SCAF1: variants seen among roughly 807,000 people sequenced by gnomAD.
The protein encoded by SCAF1 is SR-related CTD associated factor 1.
Under a neutral mutation model 91.2 loss-of-function variants are expected in SCAF1, and 28 were observed. The ratio of observed to expected loss-of-function variants is 0.31; its 90% CI spans 0.23 to 0.42. SCAF1 has a LOEUF of 0.42. SCAF1 is among the 10% of genes least tolerant of loss of function. The probability of loss-of-function intolerance (pLI) is 1.00; values close to 1 mark genes in which losing one functional copy is unlikely to be tolerated. For missense variants in SCAF1, 1,893 were observed against 1,872.1 expected (o/e 1.01, Z -0.21); for synonymous variants, 1,036 against 833.7 (o/e 1.24, Z -4.18).
rs374191789 is a variant in SCAF1 at position 49,655,214 on chromosome 19, C to T, written c.3618+344C>T. Among the ~76,000 whole-genome samples the T allele has an allele frequency of 1.1e-4, 17 of 152,130 alleles. No homozygotes were observed. In the East Asian group the frequency reaches 2.9e-3, roughly 26 times the overall value. ...TCTGTGAGTGGGGGAGGGTGGTTTC[C>T]GAATGAAAACTCAAGAACCTGTTTG... On this transcript the variant is annotated intron_variant, in intron 9 of 10. Coordinates refer to ENST00000360565, the MANE Select transcript of SCAF1 (RefSeq NM_021228.3).
Position 49,653,498 on chromosome 19 carries a change from G to A in SCAF1, c.3109G>A (p.Glu1037Lys), listed in dbSNP as rs762323740. ...AGAAGAGGAGGAGGAAGAGGAAGAGGAGGAGGAGCAGCAGCCTGCTACCAC... is the reference window on the plus strand; with the variant it reads ...AGAAGAGGAGGAGGAAGAGGAAGAGAAGGAGGAGCAGCAGCCTGCTACCAC... Reference protein sequence around the residue: ...EEEEEEEEEEEEEQQPATTTA... With the variant: ...EEEEEEEEEEKEEQQPATTTA... Residue 1037 changes from glutamate (E) to lysine (K), a missense_variant, in exon 7 of 11, where the codon GAG becomes AAG. By Grantham distance (56) the Glu-to-Lys change is moderately conservative (BLOSUM62 1). This residue lies in a region of SCAF1 where 1,436 missense variants were observed against 1,306.8 expected (regional missense o/e 1.10). Coordinates refer to ENST00000360565, the MANE Select transcript of SCAF1 (RefSeq NM_021228.3). The A allele has an allele frequency of 1.1e-5, 18 of 1,565,270 alleles. No individual in the cohort carries two copies. The highest frequency in any genetic ancestry group is 1.2e-5 in the Non-Finnish European group (14 of 1,159,710).
At position 49,645,221 on chromosome 19, in the gene SCAF1, G is replaced by A. The variant is rs1285996831; in HGVS notation, c.108+87G>A. 3 of 1,494,780 alleles carry A rather than the reference G, an allele frequency of 2.0e-6. No homozygotes were observed. The East Asian group carries it at 6.8e-5, about 34-fold the overall frequency. 92.6% of individuals were successfully genotyped at this position (1,494,780 alleles called of 1,614,324 possible). Reference sequence around the variant, plus strand: ...CCTGACTCCAGGGCCTGAGGCAGGGGCGCTGGACTCTTGGCTCCCTTGAAG... The same window carrying A: ...CCTGACTCCAGGGCCTGAGGCAGGGACGCTGGACTCTTGGCTCCCTTGAAG... On this transcript the variant is annotated intron_variant, in intron 2 of 10. Transcript: ENST00000360565. The surrounding 1 kb of genome is among the most constrained non-coding windows in gnomAD (Gnocchi z 4.6).
intron 9 of SCAF1, among the ~76,000 whole-genome samples, chr19:49,657,186 A>T (rs1192618065): frequency 6.6e-6 from 1 of 152,120 alleles, no homozygotes; most frequent in African/African-American, 2.4e-5. Context: ...AGCCACAAAA[A>T]GGTTTGGCTG....
chr19:49,653,834 G>A (rs2081121263), intron 7 of SCAF1, 129 bp downstream of exon 7: 2 of 941,788 alleles, frequency 2.1e-6, no homozygotes, highest in Non-Finnish European at 3.0e-6. Context: ...TGGGAGGGTG[G>A]GGGTGAGTAA....
rs1371593398 is a variant in SCAF1 at position 49,658,273 on chromosome 19, C to T, written c.3813C>T (p.Val1271=). Residue 1271 remains valine (V), a synonymous_variant, in exon 11 of 11, where the codon GTC becomes GTT. Coordinates refer to ENST00000360565, the MANE Select transcript of SCAF1 (RefSeq NM_021228.3). ...VKVSNLVRAY[V]QRYRYFRKHG... is the part of the protein sequence containing the mutation. Reference sequence around the variant, plus strand: ...TGAGCAACCTGGTGCGGGCCTACGTCCAGCGCTACCGCTACTTCCGCAAGC... The same window carrying T: ...TGAGCAACCTGGTGCGGGCCTACGTTCAGCGCTACCGCTACTTCCGCAAGC... 4.3e-6 allele frequency: 7 copies of T among 1,613,272 alleles called. No homozygotes were observed. In the Admixed American group the frequency reaches 6.7e-5, roughly 15 times the overall value.
chr19:49,652,835 G>A lies in SCAF1; in HGVS notation c.2446G>A (p.Gly816Ser), dbSNP rs763519168. Residue 816 changes from glycine (G) to serine (S), a missense_variant, in exon 7 of 11, where the codon GGC becomes AGC. This residue lies in a region of SCAF1 where 1,436 missense variants were observed against 1,306.8 expected (regional missense o/e 1.10). Coordinates refer to ENST00000360565, the MANE Select transcript of SCAF1 (RefSeq NM_021228.3). ...CCCGCCAAAGCCACCAGTCAGCAGC[G>A]GCTCAGGCTCTTCATCCTCGTCGTC... The part of the protein sequence containing the change: ...GPPPKPPVSS[G>S]SGSSSSSSSC... 3.7e-6 allele frequency: 6 copies of A among 1,614,014 alleles called. No individual in the cohort carries two copies. The highest frequency in any genetic ancestry group is 3.3e-5 in the Admixed American group (2 of 60,012).
chr19:49,649,585 T>A (rs1365605653), intron 6 of SCAF1, among the ~76,000 whole-genome samples: 1 of 152,126 alleles, frequency 6.6e-6, no homozygotes, highest in African/African-American at 2.4e-5. Context: ...AACCTCTGCC[T>A]CCTGGTTTCG....
At position 49,651,238 on chromosome 19, in the gene SCAF1, C is replaced by T. The variant is rs1555749064; in HGVS notation, c.849C>T (p.Asp283=). 6.8e-6 allele frequency: 11 copies of T among 1,611,992 alleles called. No individual in the cohort carries two copies. The highest frequency in any genetic ancestry group is 1.3e-5 in the African/African-American group (1 of 74,754). ...AGGAAGAAGAAGAGGAAGAGGAAGA[C>T]GAGGAGGAGGAGGAAGGCCTGTCCC... ...EEEEEEEEEE[D]EEEEEGLSQS... is the part of the protein sequence containing the mutation. The change falls in exon 7 of 11, where the codon GAC becomes GAT. Residue 283 remains aspartate, a synonymous_variant. Coordinates refer to ENST00000360565, the MANE Select transcript of SCAF1 (RefSeq NM_021228.3).
chr19:49,646,168 G>C lies in SCAF1; in HGVS notation c.227G>C (p.Arg76Pro), dbSNP rs145855074. 8 of 1,610,644 alleles carry C rather than the reference G, an allele frequency of 5.0e-6. No homozygotes were observed. In the African/African-American group the frequency reaches 1.1e-4, roughly 22 times the overall value. Residue 76 changes from arginine (R) to proline (P), a missense_variant, in exon 4 of 11, where the codon CGT becomes CCT. Arg to Pro is a moderately radical substitution (Grantham distance 103). This residue lies in a region of SCAF1 where 270 missense variants were observed against 292.5 expected (regional missense o/e 0.92). Coordinates refer to ENST00000360565, the MANE Select transcript of SCAF1 (RefSeq NM_021228.3). The surrounding 1 kb of genome is among the most constrained non-coding windows in gnomAD (Gnocchi z 5.6). ...TGCCGGAGTCCACGGTCAGAGCCCC[G>C]TTCCCAGGAATCAGGGGGCACTGAC... ...RRCRSPRSEP[R>P]SQESGGTDTA...
intron 9 of SCAF1, among the ~76,000 whole-genome samples, chr19:49,656,029 T>C (rs1261397967): frequency 2.6e-5 from 4 of 152,234 alleles, no homozygotes; most frequent in African/African-American, 4.8e-5. Flanking sequence ...TGGCCACCCT[T>C]ACACAGCTGT....
rs1305992530 is a variant in SCAF1, at chr19:49,654,695, C to T, written c.3443C>T (p.Pro1148Leu). 6 of 1,614,118 alleles carry T rather than the reference C, an allele frequency of 3.7e-6. No homozygotes were observed. The South Asian group carries it at 6.6e-5, about 18-fold the overall frequency. ...RKPPSSLGMT[P>L]APVPTSLGLP... ...CCACCCTCAAGTCTGGGGATGACCC[C>T]AGCTCCTGTGCCCACCTCTTTGGGT... Residue 1148 changes from proline to leucine, a missense_variant, in exon 9 of 11, where the codon CCA (proline) becomes CTA (leucine). By Grantham distance (98) the Pro-to-Leu change is moderately conservative. Around this residue, in one of 5 missense-constraint regions of SCAF1, gnomAD observed 1,436 missense variants for 1,306.8 expected, o/e 1.10. Coordinates refer to ENST00000360565, the MANE Select transcript of SCAF1 (RefSeq NM_021228.3).
rs878888013 is a variant in SCAF1 at position 49,645,974 on chromosome 19, C to T, written c.167-134C>T. 1.0e-4 allele frequency: 76 copies of T among 756,996 alleles called. No homozygotes were observed. Among genetic ancestry groups the T allele is most frequent in the Non-Finnish European group, 1.5e-4 (66 of 447,928 alleles). 46.9% of individuals were successfully genotyped at this position (756,996 alleles called of 1,614,324 possible). A position where few individuals can be genotyped will look rare whatever the true frequency, so the allele number is the denominator to read the frequency against. On this transcript the variant is annotated intron_variant, in intron 3 of 10. Transcript: ENST00000360565. The surrounding 1 kb of genome is among the most constrained non-coding windows in gnomAD (Gnocchi z 4.6). ...GCTGGGAAGTCCTCCTGGGAGGTGG[C>T]GCATGGAGGCCTGGAGAGCATGCGG... is the stretch of plus-strand genomic sequence containing the variant.
In SCAF1 at chr19:49,651,530, C is replaced by T. The variant is rs778978875; in HGVS notation, c.1141C>T (p.Pro381Ser). ...VVTAGGAALPPPLLPPGDSEI... is the reference protein window; with the variant it reads ...VVTAGGAALPSPLLPPGDSEI... ...GACCGCTGGTGGAGCCGCCCTCCCG[C>T]CGCCCCTGCTGCCGCCCGGCGACTC... The change falls in exon 7 of 11, where the codon CCG becomes TCG. Residue 381 changes from proline (P) to serine (S), a missense_variant. By Grantham distance (74) the Pro-to-Ser change is moderately conservative. This residue lies in a region of SCAF1 where 1,436 missense variants were observed against 1,306.8 expected (regional missense o/e 1.10). Coordinates refer to ENST00000360565, the MANE Select transcript of SCAF1 (RefSeq NM_021228.3). 3 of 1,566,398 alleles carry T rather than the reference C, an allele frequency of 1.9e-6. No homozygotes were observed. The highest frequency in any genetic ancestry group is 2.3e-5 in the South Asian group (2 of 85,744).
chr19:49,645,547 A>G lies in SCAF1; in HGVS notation c.166+136A>G, dbSNP rs2081050092. Reference sequence around the variant, plus strand: ...CATGGGGAGCCAAAAATGGGCAGACACCCTGTAGCTGCCTTGGAAGGGCCT... The same window carrying G: ...CATGGGGAGCCAAAAATGGGCAGACGCCCTGTAGCTGCCTTGGAAGGGCCT... On this transcript the variant is annotated intron_variant, in intron 3 of 10. Coordinates refer to ENST00000360565, the MANE Select transcript of SCAF1 (RefSeq NM_021228.3). This position sits in a 1 kb window ranked among gnomAD's most constrained non-coding sequence, Gnocchi z 4.6. 1.2e-6 allele frequency: 1 copy of G among 812,218 alleles called. No homozygotes were observed. The highest frequency in any genetic ancestry group is 2.7e-5 in the East Asian group (1 of 37,428). The allele number at this position is 812,218 out of a possible 1,614,324, so 50.3% of individuals were successfully genotyped here.
At chr19:49,647,177 A>G (rs1230435610) in intron 6 of SCAF1, among the ~76,000 whole-genome samples, 1 of 152,236 alleles carries the variant, frequency 6.6e-6, no homozygotes, top group African/African-American at 2.4e-5. Flanking sequence ...CCAAGGGCGC[A>G]CAGCCAGATG....
rs745906049 is a variant in SCAF1 at position 49,651,936 on chromosome 19, G to C, written c.1547G>C (p.Arg516Pro). Residue 516 changes from arginine to proline, a missense_variant, in exon 7 of 11, where the codon CGC (arginine) becomes CCC (proline). Transcript: ENST00000360565. ...GCCGCCGCTGCTGGTCCGCCCACGC[G>C]CAAGAAGTCCAGGCGGGAACGCAAG... ...APAAAAGPPT[R>P]KKSRRERKRS... is the part of the protein sequence containing the mutation. 3 of 1,185,026 alleles carry C rather than the reference G, an allele frequency of 2.5e-6. No individual in the cohort carries two copies. Among genetic ancestry groups the C allele is most frequent in the Non-Finnish European group, 3.2e-6 (3 of 949,528 alleles). The allele number at this position is 1,185,026 out of a possible 1,614,324, so 73.4% of individuals were successfully genotyped here.
In SCAF1 at chr19:49,658,527, CCCCTG is replaced by C. The variant is rs967052073; in HGVS notation, c.*142_*146del. ...GGGTTGCTGCAGGGAAGAGGAGAGC[CCCCTG>C]CCCTGCCCTGCCCCGTGTCCACCTC... On this transcript the variant is annotated 3_prime_UTR_variant, in exon 11 of 11. Coordinates refer to ENST00000360565, the MANE Select transcript of SCAF1 (RefSeq NM_021228.3). The C allele has an allele frequency of 4.1e-5, 26 of 636,574 alleles. No individual in the cohort carries two copies. Among genetic ancestry groups the C allele is most frequent in the East Asian group, 2.2e-4 (8 of 36,610 alleles). The allele number at this position is 636,574 out of a possible 1,614,324, so 39.4% of individuals were successfully genotyped here. A position where few individuals can be genotyped will look rare whatever the true frequency, so the allele number is the denominator to read the frequency against.
chr19:49,642,047 C>T (rs1479545053), upstream of SCAF1: 1 of 152,296 alleles, frequency 6.6e-6, no homozygotes, highest in Admixed American at 6.5e-5. This position sits in a 1 kb window ranked among gnomAD's most constrained non-coding sequence, Gnocchi z 4.0. Flanking sequence ...CGGACCCCGC[C>T]CCATGTGTCC....
Position 49,652,331 on chromosome 19 carries a change from C to T in SCAF1, c.1942C>T (p.Arg648Trp), listed in dbSNP as rs1314430339. The change falls in exon 7 of 11, where the codon CGG becomes TGG. Residue 648 changes from arginine (R) to tryptophan (W), a missense_variant. By Grantham distance (101) the Arg-to-Trp change is moderately radical. Transcript: ENST00000360565. The part of the protein sequence containing the change: ...GGSKKKKKRS[R>W]SRGEKRSGDG... ...CAGCAAGAAGAAGAAGAAGCGGTCGCGGTCCCGGGGTGAGAAGCGGTCTGG... is the reference window on the plus strand; with the variant it reads ...CAGCAAGAAGAAGAAGAAGCGGTCGTGGTCCCGGGGTGAGAAGCGGTCTGG... The T allele has an allele frequency of 5.2e-6, 8 of 1,535,284 alleles. No homozygotes were observed. The highest frequency in any genetic ancestry group is 4.0e-5 in the Admixed American group (2 of 49,430).
Sources: allele counts gnomAD v4.1 joint callset (sites outside exome capture counted in the v4.1 genomes callset), GRCh38; gene constraint gnomAD v4.1.1; regional missense constraint gnomAD v4.1.1; non-coding constraint Gnocchi (gnomAD v3.1); transcripts MANE v1.5; gene names NCBI Gene and HGNC (gene_info 2026-07-23, HGNC 2026-07-21).